Variants in DPP10 observed in about 807,000 individuals in gnomAD.
DPP10 encodes the protein dipeptidyl peptidase like 10.
A neutral mutation model predicts 120.9 loss-of-function variants in DPP10; 33 were observed. The observed-to-expected ratio is 0.27, with a 90% CI of 0.21 to 0.37. The LOEUF is 0.37. Ranked by LOEUF, DPP10 falls within the 10% of genes least tolerant of loss-of-function variation. The pLI is 1.00. For missense variants in DPP10, 816 were observed against 942.8 expected, an observed-to-expected ratio of 0.87 and a Z score of 1.76; for synonymous variants, 337 against 326.1, an observed-to-expected ratio of 1.03 and a Z score of -0.36.
At chr2:115,502,006 AAAAT>A (rs1455934827) in intron 4 of DPP10, among the ~76,000 whole-genome samples, 2 of 152,100 alleles carry the variant, frequency 1.3e-5, no homozygotes, top group Non-Finnish European at 2.9e-5. Context: ...GTCATTTGAG[AAAAT>A]AAATATACTA....
chr2:115,841,300 G>C (rs1215624059), intron 25 of DPP10, among the ~76,000 whole-genome samples: 5 of 152,078 alleles, frequency 3.3e-5, no homozygotes, highest in Admixed American at 1.3e-4. Context: ...GAAAAGAAGA[G>C]AGGATAAAAG....
chr2:114,683,112 C>T (rs1699135940), intron 1 of DPP10, among the ~76,000 whole-genome samples: 1 of 151,896 alleles, frequency 6.6e-6, no homozygotes, highest in Admixed American at 6.6e-5. Flanking sequence ...TATTCTGTTT[C>T]CTTGAATCGT....
chr2:115,168,945 G>A (rs1457189632), intron 1 of DPP10, among the ~76,000 whole-genome samples: 1 of 152,124 alleles, frequency 6.6e-6, no homozygotes, highest in Non-Finnish European at 1.5e-5. Context: ...TGTAATTGAT[G>A]TGAACAGTAT....
At chr2:115,762,681 C>G in intron 12 of DPP10, 71 bp downstream of exon 12, 1 of 1,555,296 alleles carries the variant, frequency 6.4e-7, no homozygotes, top group Non-Finnish European at 8.8e-7. Flanking sequence ...TATGTGATAA[C>G]TTTCTGTAAA....
In DPP10 at chr2:115,077,052, T is replaced by C. The variant is rs1244794512; in HGVS notation, c.61-232187T>C. The stretch of plus-strand genomic sequence containing the variant: ...TGCCTGAATTTATCTCAGACTTTCA[T>C]AGCTAAATTTTTGGGGCCACCTCTA... On this transcript the variant is annotated intron_variant, in intron 1 of 25. Coordinates refer to ENST00000410059, the MANE Select transcript of DPP10 (RefSeq NM_020868.6). Among the ~76,000 whole-genome samples, 3 of 152,320 alleles carry C rather than the reference T, an allele frequency of 2.0e-5. 1 individual carries two copies. Among genetic ancestry groups the C allele is most frequent in the South Asian group, 4.1e-4 (2 of 4,830 alleles).
intron 3 of DPP10, among the ~76,000 whole-genome samples, chr2:115,380,465 T>C (rs2066228318): frequency 1.3e-5 from 2 of 152,184 alleles, no homozygotes; most frequent in African/African-American, 2.4e-5. Flanking sequence ...TGAGATGGGT[T>C]TCCTGAATAC....
At chr2:115,373,944 C>T (rs1011478939) in intron 3 of DPP10, among the ~76,000 whole-genome samples, 2 of 151,672 alleles carry the variant, frequency 1.3e-5, no homozygotes, top group Non-Finnish European at 2.9e-5. Context: ...ACCATCAGAT[C>T]TTGTGAGAAC....
intron 3 of DPP10, among the ~76,000 whole-genome samples, chr2:115,490,201 GT>G (rs1197389203): frequency 3.3e-5 from 5 of 152,098 alleles, no homozygotes; most frequent in Admixed American, 6.6e-5. Context: ...AAGGGGAGAG[GT>G]TTAATTGACT....
intron 3 of DPP10, among the ~76,000 whole-genome samples, chr2:115,471,589 T>C (rs1574946181): frequency 6.2e-5 from 1 of 16,180 alleles, no homozygotes; most frequent in African/African-American, 7.5e-5. Flanking sequence ...TTTTTCTCTC[T>C]TTTATTTTTT....
intron 1 of DPP10, among the ~76,000 whole-genome samples, chr2:114,716,694 A>C (rs1012400421): frequency 2.6e-5 from 4 of 152,172 alleles, no homozygotes; most frequent in Non-Finnish European, 5.9e-5. Context: ...GATAAAGTAG[A>C]TAATTTGTAA....
chr2:115,082,420 G>A (rs576751063), intron 1 of DPP10, among the ~76,000 whole-genome samples: 1 of 152,306 alleles, frequency 6.6e-6, no homozygotes, highest in Non-Finnish European at 1.5e-5. Context: ...GTTATGGCAT[G>A]TAACCAGAAT....
chr2:115,280,740 T>C (rs1410005547), intron 1 of DPP10, among the ~76,000 whole-genome samples: 1 of 152,258 alleles, frequency 6.6e-6, no homozygotes, highest in African/African-American at 2.4e-5. Context: ...GCTATTCTGC[T>C]TCCTGAATTT....
At chr2:115,193,382 A>G (rs2055020964) in intron 1 of DPP10, among the ~76,000 whole-genome samples, 1 of 152,204 alleles carries the variant, frequency 6.6e-6, no homozygotes, top group South Asian at 2.1e-4. Flanking sequence ...TAGACTGCCT[A>G]AGACCACCAG....
chr2:115,679,466 G>C (rs2090502241), intron 5 of DPP10, among the ~76,000 whole-genome samples: 1 of 152,100 alleles, frequency 6.6e-6, no homozygotes, highest in South Asian at 2.1e-4. Flanking sequence ...CACCATGTTT[G>C]TAAGTTTCCT....
chr2:114,472,820 G>A (rs1317567530), intron 1 of DPP10, among the ~76,000 whole-genome samples: 1 of 152,194 alleles, frequency 6.6e-6, no homozygotes, highest in East Asian at 1.9e-4. Flanking sequence ...AAGAAATGCT[G>A]AAGCTGGTTC....
At chr2:115,793,859 C>T (rs1425735262) in intron 19 of DPP10, among the ~76,000 whole-genome samples, 4 of 150,910 alleles carry the variant, frequency 2.7e-5, no homozygotes, top group African/African-American at 9.7e-5. Flanking sequence ...AGGAGAATTT[C>T]TTTTTTTTTA....
At chr2:115,469,108 G>C (rs1287298835) in intron 3 of DPP10, among the ~76,000 whole-genome samples, 1 of 152,018 alleles carries the variant, frequency 6.6e-6, no homozygotes, top group African/African-American at 2.4e-5. Context: ...TGTGTCTTTA[G>C]TAGAGATGGG....
chr2:114,613,572 C>G (rs1693445177), intron 1 of DPP10, among the ~76,000 whole-genome samples: 1 of 152,060 alleles, frequency 6.6e-6, no homozygotes, highest in Non-Finnish European at 1.5e-5. Context: ...CCTCAAAGAT[C>G]TAGAACCAGT....
At chr2:115,784,683 A>G (rs35040450) in intron 17 of DPP10, among the ~76,000 whole-genome samples, 44,716 of 151,812 alleles carry the variant, frequency 0.29, 7,132 homozygotes, top group Middle Eastern at 0.44. Context: ...ACAGGCATGC[A>G]TCACCACGCC....
Sources: gnomAD v4.1 joint callset for allele counts (sites outside exome capture counted in the v4.1 genomes callset) on GRCh38, gnomAD v4.1.1 for gene constraint, MANE v1.5 for transcripts, NCBI Gene and HGNC (gene_info 2026-07-23, HGNC 2026-07-21) for gene names.